PHEX: variants seen among roughly 807,000 people sequenced by gnomAD.
PHEX encodes the protein phosphate-regulating neutral endopeptidase PHEX.
PHEX carries 16 observed loss-of-function variants against 68.0 expected under a neutral mutation model. The observed-to-expected ratio is 0.24, with a 90% CI of 0.16 to 0.36. The LOEUF is 0.36. Among genes scored for constraint, PHEX ranks in the 10% least tolerant of loss-of-function variants. The pLI is 1.00. For missense variants in PHEX, 480 were observed against 575.5 expected, an observed-to-expected ratio of 0.83 and a Z score of 1.70; for synonymous variants, 208 against 205.1, an observed-to-expected ratio of 1.01 and a Z score of -0.12.
intron 12 of PHEX, among the ~76,000 whole-genome samples, chrX:22,145,282 A>C (rs987614435): frequency 1.8e-5 from 2 of 111,548 alleles, no homozygotes; most frequent in Non-Finnish European, 3.8e-5. Context: ...TGAAGATCAG[A>C]CTCTCTGGGA....
chrX:22,233,387 A>G (rs5904635), intron 20 of PHEX, among the ~76,000 whole-genome samples: 36,491 of 110,191 alleles, frequency 0.33, 4,649 homozygotes, highest in Middle Eastern at 0.39. Flanking sequence ...TCTCCTGGAT[A>G]ATATCCTGAA....
At chrX:22,184,459 T>C (rs1189416932) in intron 14 of PHEX, among the ~76,000 whole-genome samples, 2 of 111,691 alleles carry the variant, frequency 1.8e-5, no homozygotes, top group African/African-American at 6.5e-5. Flanking sequence ...AACGTTTTGC[T>C]TCTTTGTGGG....
chrX:22,176,406 T>A (rs1428979433), intron 13 of PHEX, among the ~76,000 whole-genome samples: 55 of 78,303 alleles, frequency 7.0e-4, no homozygotes, highest in East Asian at 4.3e-3. Context: ...AAAAAAAATA[T>A]ATATATATAT....
intron 16 of PHEX, 91 bp from the exon 17 acceptor site, chrX:22,218,945 G>A: frequency 1.6e-6 from 1 of 636,231 alleles, no homozygotes. Context: ...CTAGAAAGCA[G>A]TTTATCTTGG....
chrX:22,099,279 C>A, intron 9 of PHEX, 128 bp downstream of exon 9: 1 of 653,364 alleles, frequency 1.5e-6, no homozygotes, highest in Non-Finnish European at 2.4e-6. Flanking sequence ...AGGGAAAATC[C>A]CGGTGTCCTT....
chrX:22,166,281 A>C (rs1933315155), intron 12 of PHEX, among the ~76,000 whole-genome samples: 1 of 111,627 alleles, frequency 9.0e-6, no homozygotes, highest in African/African-American at 3.3e-5. Context: ...CATGCTAAAC[A>C]TATTTAGCTC....
At chrX:22,213,517 C>T (rs1023344987) in intron 16 of PHEX, among the ~76,000 whole-genome samples, 3 of 111,708 alleles carry the variant, frequency 2.7e-5, no homozygotes, top group African/African-American at 9.8e-5. Context: ...GAAATATAAC[C>T]TGTGTAGCTA....
At chrX:22,103,713 A>G (rs1265644239) in intron 9 of PHEX, among the ~76,000 whole-genome samples, 1 of 112,105 alleles carries the variant, frequency 8.9e-6, no homozygotes. Context: ...GTTGATGGGC[A>G]TTTATGTTGG....
At chrX:22,157,267 G>A (rs751483533) in intron 12 of PHEX, among the ~76,000 whole-genome samples, 3 of 112,212 alleles carry the variant, frequency 2.7e-5, no homozygotes, top group East Asian at 5.7e-4. Flanking sequence ...AGAGGTGAGC[G>A]GATTGCTTGA....
chrX:22,049,246 G>A (rs1165480616), intron 3 of PHEX, among the ~76,000 whole-genome samples: 1 of 110,838 alleles, frequency 9.0e-6, no homozygotes, highest in Non-Finnish European at 1.9e-5. Context: ...CCGAGTAGCT[G>A]GGATTACAGG....
Position 22,127,196 on chromosome X carries a change from A to G in PHEX, c.1303-6327A>G, listed in dbSNP as rs757318190. On this transcript the variant is annotated intron_variant, in intron 11 of 21. Coordinates refer to ENST00000379374, the MANE Select transcript of PHEX (RefSeq NM_000444.6). ...CCCTGAAATAAATAGATATTTAACA[A>G]AACGTTGCTTTGCCTAGAGGGCTCT... is the stretch of plus-strand genomic sequence containing the variant. Among the ~76,000 whole-genome samples the G allele has an allele frequency of 2.7e-5, 3 of 110,947 alleles. No homozygotes were observed. In the East Asian group the frequency reaches 8.5e-4, roughly 31 times the overall value.
intron 15 of PHEX, among the ~76,000 whole-genome samples, chrX:22,209,959 ATAAAT>A (rs1934866430): frequency 9.1e-6 from 1 of 109,339 alleles, no homozygotes; most frequent in Non-Finnish European, 1.9e-5. Flanking sequence ...AAAAAAATAA[ATAAAT>A]AAAAATAAAA....
At chrX:22,087,583 C>A (rs1336856578) in intron 5 of PHEX, among the ~76,000 whole-genome samples, 1 of 111,575 alleles carries the variant, frequency 9.0e-6, no homozygotes, top group Non-Finnish European at 1.9e-5. Flanking sequence ...TCATGGAAAA[C>A]TGTAATCTTA....
intron 11 of PHEX, among the ~76,000 whole-genome samples, chrX:22,115,229 G>A (rs947549652): frequency 8.9e-6 from 1 of 111,735 alleles, no homozygotes; most frequent in African/African-American, 3.3e-5. Context: ...TATTTGGGAG[G>A]CTGAGGCAGG....
intron 9 of PHEX, among the ~76,000 whole-genome samples, chrX:22,099,634 C>A (rs1930330671): frequency 9.0e-6 from 1 of 110,933 alleles, no homozygotes; most frequent in Admixed American, 9.6e-5. Flanking sequence ...GATAAAACAA[C>A]TTTAGGAACT....
chrX:22,097,181 T>A (rs1930179986), intron 8 of PHEX, 143 bp downstream of exon 8: 1 of 523,529 alleles, frequency 1.9e-6, no homozygotes, highest in African/African-American at 2.3e-5. Context: ...ACATAAAATA[T>A]CCCTTGTCTG....
intron 20 of PHEX, among the ~76,000 whole-genome samples, chrX:22,241,964 G>A (rs1339657423): frequency 2.7e-5 from 3 of 111,485 alleles, no homozygotes; most frequent in Non-Finnish European, 5.6e-5. Context: ...ACCTGGCAGA[G>A]ACACAACAAA....
intron 1 of PHEX, among the ~76,000 whole-genome samples, chrX:22,036,914 G>A (rs1232381564): frequency 9.2e-5 from 10 of 108,320 alleles, no homozygotes; most frequent in Non-Finnish European, 3.8e-5. Flanking sequence ...TGGCTAACAC[G>A]GTGAAACCCC....
At chrX:22,120,930 A>G (rs1009128993) in intron 11 of PHEX, among the ~76,000 whole-genome samples, 1 of 112,251 alleles carries the variant, frequency 8.9e-6, no homozygotes, top group Non-Finnish European at 1.9e-5. Context: ...AAATTCAGTA[A>G]AGCTGAAGTT....
Sources: gnomAD v4.1 joint callset for allele counts (sites outside exome capture counted in the v4.1 genomes callset) on GRCh38, gnomAD v4.1.1 for gene constraint, MANE v1.5 for transcripts, NCBI Gene and HGNC (gene_info 2026-07-23, HGNC 2026-07-21) for gene names.